GOLGA4: variants seen among roughly 807,000 people sequenced by gnomAD.
GOLGA4 encodes golgin subfamily A member 4.
Under a neutral mutation model 265.9 loss-of-function variants are expected in GOLGA4, and 169 were observed. That is an observed-to-expected ratio of 0.64 (90% CI 0.56 to 0.72). The LOEUF is 0.72. Among genes scored for constraint, GOLGA4 ranks in the 30% least tolerant of loss-of-function variants. GOLGA4 has a pLI of 0.00. For synonymous variants in GOLGA4, 923 were observed against 855.8 expected (o/e 1.08, Z -1.37); for missense variants, 2,482 against 2,483.4 (o/e 1.00, Z 0.01).
intron 10 of GOLGA4, chr3:37,313,609 A>G (rs2096928920): frequency 6.6e-6 from 1 of 152,182 alleles, no homozygotes; most frequent in East Asian, 1.9e-4. Context: ...GTGAGGACTA[A>G]AGGAAACAAT....
rs189717160 is a variant in GOLGA4, at chr3:37,251,405, A to G, written c.83A>G (p.Asn28Ser). ...QALAPAQASS[N>S]SSTPTRMRSR... is the part of the protein sequence containing the mutation. ...AATTTTTAAATCTAGGCGTCCTCCA[A>G]TTCTTCAACACCAACAAGAATGAGG... The change falls in exon 2 of 24, where the codon AAT becomes AGT. Residue 28 changes from asparagine to serine, a missense_variant. By Grantham distance (46) the Asn-to-Ser change is conservative. Around this residue, in one of 3 missense-constraint regions of GOLGA4, gnomAD observed 1,536 missense variants for 1,483.7 expected, o/e 1.04. Coordinates refer to ENST00000361924, the MANE Select transcript of GOLGA4 (RefSeq NM_002078.5). The G allele has an allele frequency of 5.7e-5, 91 of 1,610,454 alleles. No individual in the cohort carries two copies. Among genetic ancestry groups the G allele is most frequent in the Middle Eastern group, 1.7e-4 (1 of 6,054 alleles).
intron 11 of GOLGA4, among the ~76,000 whole-genome samples, chr3:37,317,272 C>G (rs949025077): frequency 2.2e-4 from 33 of 152,238 alleles, no homozygotes; most frequent in African/African-American, 7.9e-4. Flanking sequence ...CACGTTCAAG[C>G]AATTCTCCTG....
intron 2 of GOLGA4, chr3:37,273,602 G>C: frequency 3.5e-6 from 5 of 1,442,998 alleles, no homozygotes; most frequent in Non-Finnish European, 4.7e-6. Context: ...CATTCCTCAG[G>C]TCTGTTACTA....
chr3:37,335,819 T>C (rs761753459), intron 17 of GOLGA4, among the ~76,000 whole-genome samples: 2 of 152,000 alleles, frequency 1.3e-5, no homozygotes, highest in Non-Finnish European at 2.9e-5. Flanking sequence ...TAGACCATGT[T>C]TACTCCATGG....
chr3:37,333,199 C>T (rs2096996994), intron 16 of GOLGA4, among the ~76,000 whole-genome samples: 1 of 152,210 alleles, frequency 6.6e-6, no homozygotes, highest in African/African-American at 2.4e-5. Context: ...AGAGCAGTCT[C>T]ACTTGCAGAG....
chr3:37,328,884 A>G, intron 15 of GOLGA4, 79 bp from the exon 16 acceptor site: 1 of 1,124,224 alleles, frequency 8.9e-7, no homozygotes, highest in African/African-American at 1.6e-5. Flanking sequence ...TTGGAATGAG[A>G]GTTGTTACTG....
intron 2 of GOLGA4, among the ~76,000 whole-genome samples, chr3:37,279,444 C>G (rs573145871): frequency 5.3e-5 from 8 of 152,228 alleles, no homozygotes; most frequent in Admixed American, 5.2e-4. Flanking sequence ...TTCTCTCATG[C>G]GAGCATGCCC....
intron 2 of GOLGA4, among the ~76,000 whole-genome samples, chr3:37,258,060 T>G (rs1296578239): frequency 3.8e-5 from 3 of 79,958 alleles, no homozygotes; most frequent in Non-Finnish European, 8.6e-5. Context: ...TATATATGTA[T>G]GTATATATGT....
chr3:37,352,698 G>A (rs566910335), intron 21 of GOLGA4, among the ~76,000 whole-genome samples: 3 of 152,022 alleles, frequency 2.0e-5, no homozygotes, highest in African/African-American at 4.8e-5. Context: ...TTTGGCTAAG[G>A]GAATGTTGTT....
chr3:37,337,513 TTG>T (rs1435066044), intron 18 of GOLGA4, among the ~76,000 whole-genome samples, 151 bp from the exon 19 acceptor site: 1 of 152,168 alleles, frequency 6.6e-6, no homozygotes. Context: ...TAGTTATTCT[TTG>T]AATTTGTCTG....
intron 10 of GOLGA4, among the ~76,000 whole-genome samples, chr3:37,307,626 T>C (rs969574562): frequency 6.6e-6 from 1 of 150,710 alleles, no homozygotes; most frequent in African/African-American, 2.4e-5. Context: ...TCCATGTTTC[T>C]CAGGCAAAAA....
chr3:37,316,438 A>C (rs1207263525), intron 11 of GOLGA4, among the ~76,000 whole-genome samples: 1 of 152,172 alleles, frequency 6.6e-6, no homozygotes, highest in Non-Finnish European at 1.5e-5. Flanking sequence ...AGTGCATAAC[A>C]GGCATTGAGG....
intron 19 of GOLGA4, among the ~76,000 whole-genome samples, chr3:37,338,154 A>C (rs1003322843): frequency 3.3e-5 from 5 of 152,188 alleles, no homozygotes; most frequent in Non-Finnish European, 7.3e-5. Context: ...ATGTGTGTAC[A>C]CCTTCAAGGA....
chr3:37,347,629 T>C (rs2097060345), intron 21 of GOLGA4, among the ~76,000 whole-genome samples: 1 of 152,186 alleles, frequency 6.6e-6, no homozygotes, highest in African/African-American at 2.4e-5. Context: ...GATTTCATTT[T>C]CAAGGAGACT....
chr3:37,365,739 AT>A (rs1003176267), intron 23 of GOLGA4, among the ~76,000 whole-genome samples: 1 of 151,794 alleles, frequency 6.6e-6, no homozygotes, highest in Non-Finnish European at 1.5e-5. Flanking sequence ...GGTTTGCATC[AT>A]TGCAAGAATG....
intron 2 of GOLGA4, among the ~76,000 whole-genome samples, chr3:37,270,188 C>A (rs1449532191): frequency 2.0e-5 from 3 of 148,796 alleles, no homozygotes; most frequent in South Asian, 2.1e-4. Flanking sequence ...GCCACTGAGC[C>A]CGGCCAGTTG....
chr3:37,318,973 G>C lies in GOLGA4; in HGVS notation c.1414-90G>C, dbSNP rs557980187. ...ATTTTTTCTTCTTAAAAACTTATTA[G>C]TTTGAGTAAATTATAATAGTATTAT... is the stretch of plus-strand genomic sequence containing the variant. On this transcript the variant is annotated intron_variant, in intron 11 of 23. Transcript: ENST00000361924. 7 of 860,740 alleles carry C rather than the reference G, an allele frequency of 8.1e-6. No homozygotes were observed. The African/African-American group carries it at 1.0e-4, about 13-fold the overall frequency. The allele number at this position is 860,740 out of a possible 1,614,324, so 53.3% of individuals were successfully genotyped here.
chr3:37,308,501 C>A (rs1039412916), intron 10 of GOLGA4, among the ~76,000 whole-genome samples: 3 of 151,686 alleles, frequency 2.0e-5, no homozygotes, highest in African/African-American at 7.2e-5. Flanking sequence ...AGCTTTCAGA[C>A]TTTTTGATCT....
intron 2 of GOLGA4, among the ~76,000 whole-genome samples, chr3:37,266,385 A>G (rs2096783827): frequency 6.6e-6 from 1 of 152,142 alleles, no homozygotes; most frequent in Admixed American, 6.5e-5. Context: ...TTTTTAGTGG[A>G]TAAAGGGTTT....
Sources: gnomAD v4.1 joint callset for allele counts (sites outside exome capture counted in the v4.1 genomes callset) on GRCh38, gnomAD v4.1.1 for gene constraint, gnomAD v4.1.1 regional missense constraint, MANE v1.5 for transcripts, NCBI Gene and HGNC (gene_info 2026-07-23, HGNC 2026-07-21) for gene names.